Variants in MINDY4 observed in about 807,000 individuals in gnomAD.
MINDY4 encodes the protein MINDY lysine 48 deubiquitinase 4, also known as probable ubiquitin carboxyl-terminal hydrolase MINDY-4.
A neutral mutation model predicts 87.0 loss-of-function variants in MINDY4; 68 were observed. That is an observed-to-expected ratio of 0.78 (90% confidence interval 0.64 to 0.96). The LOEUF is 0.96. MINDY4 is among the 40% of genes least tolerant of loss of function. The probability of loss-of-function intolerance (pLI) is 0.00; values close to 1 mark genes in which losing one functional copy is unlikely to be tolerated. For missense variants in MINDY4, 919 were observed against 928.2 expected (o/e 0.99, Z 0.13); for synonymous variants, 379 against 363.2 (o/e 1.04, Z -0.50).
At chr7:30,784,656 G>T (rs1787101180) in intron 3 of MINDY4, among the ~76,000 whole-genome samples, 1 of 152,206 alleles carries the variant, frequency 6.6e-6, no homozygotes, top group African/African-American at 2.4e-5. Context: ...CTGCGTGCTG[G>T]GGCTGGGCCT....
Position 30,892,198 on chromosome 7 carries a change from G to GCAACACA in MINDY4, c.*194_*195insAACACAC. 1 of 600,880 alleles carries GCAACACA rather than the reference G, an allele frequency of 1.7e-6. No individual in the cohort carries two copies. The highest frequency in any genetic ancestry group is 2.9e-6 in the Non-Finnish European group (1 of 339,610). The allele number at this position is 600,880 out of a possible 1,614,324, so 37.2% of individuals were successfully genotyped here. ...GACTGTGCTGGGGACCCAGTGTGTT[G>GCAACACA]CTGGGTCCCCTCCCAGCTGAGCTGT... On this transcript the variant is annotated 3_prime_UTR_variant, in exon 18 of 18. Coordinates refer to ENST00000265299, the MANE Select transcript of MINDY4 (RefSeq NM_032222.3).
intron 5 of MINDY4, among the ~76,000 whole-genome samples, chr7:30,819,220 C>T (rs565616797): frequency 4.6e-5 from 7 of 152,188 alleles, no homozygotes; most frequent in East Asian, 1.9e-4. Context: ...AACTGCTTCC[C>T]GTAAGACTTT....
chr7:30,808,303 C>T (rs1248606104), intron 5 of MINDY4, among the ~76,000 whole-genome samples: 1 of 152,212 alleles, frequency 6.6e-6, no homozygotes, highest in East Asian at 1.9e-4. Flanking sequence ...GTGGCCTGAT[C>T]ACCCATGGCA....
chr7:30,821,099 ACT>A (rs1788315333), intron 5 of MINDY4, among the ~76,000 whole-genome samples: 2 of 151,930 alleles, frequency 1.3e-5, no homozygotes, highest in South Asian at 4.2e-4. Context: ...AGAAGCTTTA[ACT>A]CTGATGATTG....
chr7:30,809,022 G>GAGAA (rs534889616), intron 5 of MINDY4, among the ~76,000 whole-genome samples: 2 of 151,352 alleles, frequency 1.3e-5, no homozygotes, highest in Admixed American at 6.6e-5. Flanking sequence ...AAATCAAAGA[G>GAGAA]AGAAAGAAAG....
At chr7:30,778,648 T>C in intron 2 of MINDY4, 97 bp downstream of exon 2, 7 of 1,404,528 alleles carry the variant, frequency 5.0e-6, no homozygotes, top group Non-Finnish European at 5.0e-6. Flanking sequence ...AGGCTTGAGG[T>C]TCTCCTGGCC....
At chr7:30,862,024 G>C (rs1280742409) in intron 13 of MINDY4, among the ~76,000 whole-genome samples, 2 of 152,244 alleles carry the variant, frequency 1.3e-5, no homozygotes, top group Non-Finnish European at 2.9e-5. Context: ...AGCTCTCTCT[G>C]ATTTGTTCAA....
At position 30,840,862 on chromosome 7, in the gene MINDY4, CT is replaced by C. The variant is rs1789009116; in HGVS notation, c.1445+17del. On this transcript the variant is annotated intron_variant, in intron 9 of 17. Transcript: ENST00000265299. ...CGACTGTGCTCAGTAAGTCAGTGCTCTTTCTGGCAATATCTTATTTTCCCAA... is the reference window on the plus strand; with the variant it reads ...CGACTGTGCTCAGTAAGTCAGTGCTCTTCTGGCAATATCTTATTTTCCCAA... 6 of 1,608,774 alleles carry C rather than the reference CT, an allele frequency of 3.7e-6. No homozygotes were observed. The highest frequency in any genetic ancestry group is 5.1e-6 in the Non-Finnish European group (6 of 1,176,584).
intron 4 of MINDY4, among the ~76,000 whole-genome samples, chr7:30,787,249 C>T (rs1017678015): frequency 3.9e-5 from 6 of 152,190 alleles, no homozygotes; most frequent in African/African-American, 4.8e-5. Flanking sequence ...AAGAGCCTTC[C>T]CGCCACTGTG....
At chr7:30,793,749 GA>G (rs1376901646) in intron 5 of MINDY4, among the ~76,000 whole-genome samples, 2 of 152,064 alleles carry the variant, frequency 1.3e-5, no homozygotes, top group African/African-American at 4.8e-5. Flanking sequence ...CTTCTAAGAG[GA>G]AAAAGGGTAA....
At chr7:30,847,517 CAG>C (rs1789259072) in intron 9 of MINDY4, among the ~76,000 whole-genome samples, 1 of 151,282 alleles carries the variant, frequency 6.6e-6, no homozygotes, top group South Asian at 2.1e-4. Context: ...CTTCCTTCCT[CAG>C]TGTTTATTTT....
At chr7:30,807,803 C>G (rs562827202) in intron 5 of MINDY4, among the ~76,000 whole-genome samples, 1 of 152,320 alleles carries the variant, frequency 6.6e-6, no homozygotes, top group African/African-American at 2.4e-5. Context: ...GTACCCCCTG[C>G]TTGCTCAGTT....
At chr7:30,792,974 T>C (rs1787368652) in intron 5 of MINDY4, among the ~76,000 whole-genome samples, 1 of 151,652 alleles carries the variant, frequency 6.6e-6, no homozygotes, top group African/African-American at 2.4e-5. Flanking sequence ...AGTAATGTTT[T>C]GTCTGTATTC....
chr7:30,853,062 T>C (rs1441207706), intron 11 of MINDY4, among the ~76,000 whole-genome samples: 1 of 152,198 alleles, frequency 6.6e-6, no homozygotes, highest in East Asian at 1.9e-4. Context: ...TCCACCTCCC[T>C]GCCAGCCGCC....
At chr7:30,841,981 C>T (rs1019549966) in intron 9 of MINDY4, among the ~76,000 whole-genome samples, 3 of 152,178 alleles carry the variant, frequency 2.0e-5, no homozygotes, top group Non-Finnish European at 4.4e-5. Context: ...TTCCTGGGAA[C>T]GACACTGTTC....
chr7:30,837,991 C>T (rs1229536632), intron 7 of MINDY4, among the ~76,000 whole-genome samples: 2 of 152,154 alleles, frequency 1.3e-5, no homozygotes, highest in Non-Finnish European at 2.9e-5. Context: ...AGAGCTGATT[C>T]TGGTGGAAAA....
chr7:30,814,324 T>C (rs767009041), intron 5 of MINDY4, among the ~76,000 whole-genome samples: 3 of 152,206 alleles, frequency 2.0e-5, no homozygotes, highest in Non-Finnish European at 2.9e-5. Flanking sequence ...AGTAAGGACA[T>C]TGAAACAATT....
At chr7:30,848,880 C>T (rs1789309709) in intron 9 of MINDY4, among the ~76,000 whole-genome samples, 1 of 152,164 alleles carries the variant, frequency 6.6e-6, no homozygotes, top group African/African-American at 2.4e-5. Context: ...CTTGTCATGG[C>T]CCAAGTGGGG....
chr7:30,840,737 A>G (rs769791344), intron 8 of MINDY4, 23 bp from the exon 9 acceptor site: 25 of 1,611,344 alleles, frequency 1.6e-5, no homozygotes, highest in Non-Finnish European at 2.0e-5. Context: ...TCTCACTGGC[A>G]GCAATGGTCT....
Sources: allele counts gnomAD v4.1 joint callset (sites outside exome capture counted in the v4.1 genomes callset), GRCh38; gene constraint gnomAD v4.1.1; transcripts MANE v1.5; gene names NCBI Gene and HGNC (gene_info 2026-07-23, HGNC 2026-07-21).